The following CSMD1 variants were observed in gnomAD, a reference collection of about 807,000 sequenced individuals.
The protein encoded by CSMD1 is CUB and Sushi multiple domains 1.
Under a neutral mutation model 417.5 loss-of-function variants are expected in CSMD1, and 213 were observed. That is an observed-to-expected ratio of 0.51 (90% CI 0.46 to 0.57). The LOEUF (loss-of-function observed/expected upper bound fraction) is 0.57, where lower values mean the gene tolerates loss of function less well. Ranked by LOEUF, CSMD1 falls within the 20% of genes least tolerant of loss-of-function variation. The pLI is 0.00. For missense variants in CSMD1, 6,923 were observed against 4,529.7 expected (o/e 1.53, Z -15.17); for synonymous variants, 2,862 against 1,736.8 (o/e 1.65, Z -16.11).
At chr8:4,270,295 C>T (rs546769057) in intron 3 of CSMD1, among the ~76,000 whole-genome samples, 1 of 152,288 alleles carries the variant, frequency 6.6e-6, no homozygotes, top group Admixed American at 6.5e-5. Context: ...TTACCTTCTT[C>T]CCAGTCTTTA....
At chr8:3,620,139 A>C (rs1394473096) in intron 7 of CSMD1, among the ~76,000 whole-genome samples, 1 of 152,174 alleles carries the variant, frequency 6.6e-6, no homozygotes, top group Non-Finnish European at 1.5e-5. Context: ...AAAGCAATGG[A>C]TAATATATTT....
chr8:4,967,521 T>C (rs1809958181), intron 1 of CSMD1, among the ~76,000 whole-genome samples: 1 of 152,186 alleles, frequency 6.6e-6, no homozygotes, highest in East Asian at 1.9e-4. Context: ...TCCATACCTA[T>C]CTCTAAATCT....
chr8:4,583,416 C>G (rs934458125), intron 2 of CSMD1, among the ~76,000 whole-genome samples: 14 of 152,108 alleles, frequency 9.2e-5, no homozygotes, highest in Non-Finnish European at 1.6e-4. Context: ...GTGTCTAGCT[C>G]AGGGTTTGTG....
At chr8:4,810,231 G>A (rs1733294611) in intron 1 of CSMD1, among the ~76,000 whole-genome samples, 2 of 152,100 alleles carry the variant, frequency 1.3e-5, no homozygotes, top group Admixed American at 6.6e-5. Context: ...AAAAGTAAAT[G>A]GATGCAGATT....
At chr8:4,612,856 G>A (rs544162543) in intron 2 of CSMD1, among the ~76,000 whole-genome samples, 1 of 152,170 alleles carries the variant, frequency 6.6e-6, no homozygotes, top group Non-Finnish European at 1.5e-5. Context: ...GCACAAACCT[G>A]AGTGAATCAG....
intron 12 of CSMD1, among the ~76,000 whole-genome samples, chr8:3,449,283 A>C (rs1470008265): frequency 6.6e-6 from 1 of 152,196 alleles, no homozygotes; most frequent in African/African-American, 2.4e-5. Context: ...TGAGAGACTA[A>C]ACTCAGCTTC....
chr8:3,853,137 G>A (rs892618782), intron 5 of CSMD1, among the ~76,000 whole-genome samples: 9 of 152,138 alleles, frequency 5.9e-5, no homozygotes, highest in South Asian at 4.1e-4. Flanking sequence ...GCAGGTGGCT[G>A]AGCCCGCGTC....
intron 5 of CSMD1, among the ~76,000 whole-genome samples, chr8:3,903,253 G>A (rs187093782): frequency 1.3e-3 from 199 of 152,032 alleles, no homozygotes; most frequent in Middle Eastern, 6.8e-3. Flanking sequence ...CTGCCATGTC[G>A]GGTCAGAACT....
intron 5 of CSMD1, among the ~76,000 whole-genome samples, chr8:3,861,373 C>G (rs978545800): frequency 1.3e-5 from 2 of 152,234 alleles, no homozygotes; most frequent in African/African-American, 4.8e-5. Flanking sequence ...TATGAGCTGT[C>G]TTAGCAGACA....
chr8:3,539,136 T>C (rs1002745635), intron 10 of CSMD1, among the ~76,000 whole-genome samples: 1 of 152,216 alleles, frequency 6.6e-6, no homozygotes, highest in Non-Finnish European at 1.5e-5. Context: ...ACCGCTTGTC[T>C]TTCCCTTCCA....
At chr8:3,305,677 A>AAGTC (rs1255235882) in intron 25 of CSMD1, among the ~76,000 whole-genome samples, 3 of 152,070 alleles carry the variant, frequency 2.0e-5, no homozygotes, top group Non-Finnish European at 4.4e-5. Context: ...TTAACTTACT[A>AAGTC]AGTCTGTAAT....
intron 54 of CSMD1, among the ~76,000 whole-genome samples, chr8:2,981,872 A>G (rs927168900): frequency 1.3e-5 from 2 of 152,212 alleles, no homozygotes; most frequent in African/African-American, 4.8e-5. Flanking sequence ...TAGCATAATA[A>G]TAAAAGGCAT....
At chr8:3,459,535 T>C (rs796567756) in intron 12 of CSMD1, among the ~76,000 whole-genome samples, 31 of 152,226 alleles carry the variant, frequency 2.0e-4, no homozygotes, top group African/African-American at 7.0e-4. Flanking sequence ...GAGAACATGA[T>C]AAATGCAGGT....
At chr8:3,802,065 G>A (rs182169313) in intron 5 of CSMD1, among the ~76,000 whole-genome samples, 137 of 152,224 alleles carry the variant, frequency 9.0e-4, no homozygotes, top group African/African-American at 3.2e-3. Context: ...CACACTTTAT[G>A]TGGATAAACT....
chr8:3,013,924 T>G (rs1335253219), intron 52 of CSMD1, among the ~76,000 whole-genome samples: 1 of 152,080 alleles, frequency 6.6e-6, no homozygotes, highest in African/African-American at 2.4e-5. Context: ...TTAATAAGAC[T>G]CAGCCTGAGC....
intron 2 of CSMD1, among the ~76,000 whole-genome samples, chr8:4,440,667 G>A (rs1162611102): frequency 6.6e-6 from 1 of 152,168 alleles, no homozygotes; most frequent in Non-Finnish European, 1.5e-5. Flanking sequence ...TGTGCTGCTT[G>A]AGAATTTTAT....
chr8:4,856,163 T>A (rs1331211465), intron 1 of CSMD1, among the ~76,000 whole-genome samples: 1 of 147,162 alleles, frequency 6.8e-6, no homozygotes, highest in African/African-American at 2.5e-5. Flanking sequence ...CCAGCCAAAC[T>A]AAGCTTCATA....
chr8:3,900,197 G>A (rs928146939), intron 5 of CSMD1, among the ~76,000 whole-genome samples: 8 of 152,220 alleles, frequency 5.3e-5, no homozygotes, highest in East Asian at 3.9e-4. Context: ...TAACAGTGCA[G>A]CTGGGTGACA....
intron 25 of CSMD1, among the ~76,000 whole-genome samples, chr8:3,306,833 TAAA>T (rs1563252500): frequency 5.2e-5 from 2 of 38,582 alleles, no homozygotes; most frequent in Non-Finnish European, 1.3e-4. Flanking sequence ...GAGCTTACTT[TAAA>T]AATATTACAG....
Sources: gnomAD v4.1 joint callset for allele counts (sites outside exome capture counted in the v4.1 genomes callset) on GRCh38, gnomAD v4.1.1 for gene constraint, MANE v1.5 for transcripts, NCBI Gene and HGNC (gene_info 2026-07-23, HGNC 2026-07-21) for gene names.